The following UBR3 variants were observed in gnomAD, a reference collection of about 807,000 sequenced individuals.
UBR3 encodes ubiquitin protein ligase E3 component n-recognin 3.
Under a neutral mutation model 243.2 loss-of-function variants are expected in UBR3, and 85 were observed. The ratio of observed to expected loss-of-function variants is 0.35; its 90% confidence interval spans 0.29 to 0.42. The LOEUF (loss-of-function observed/expected upper bound fraction) is 0.42. Among genes scored for constraint, UBR3 ranks in the 10% least tolerant of loss-of-function variants. UBR3 has a pLI of 1.00. For synonymous variants in UBR3, 748 were observed against 799.8 expected (o/e 0.94, Z 1.09); for missense variants, 1,686 against 2,300.8 (o/e 0.73, Z 5.47).
At chr2:169,836,077 T>A (rs1479820710) in intron 1 of UBR3, among the ~76,000 whole-genome samples, 3,087 of 88,266 alleles carry the variant, frequency 0.035, 229 homozygotes, top group Non-Finnish European at 0.058. Flanking sequence ...ATTTTTTTTT[T>A]TTTTTTTTTT....
chr2:170,035,910 T>TTGAG (rs71006065), intron 31 of UBR3, among the ~76,000 whole-genome samples: 2 of 120,340 alleles, frequency 1.7e-5, no homozygotes, highest in Non-Finnish European at 3.4e-5. Context: ...AGTATTTTAT[T>TTGAG]GGGGGGGGGG....
Position 169,978,550 on chromosome 2 carries a change from A to C in UBR3, c.3635-8095A>C, listed in dbSNP as rs543595824. Among the ~76,000 whole-genome samples, 26 of 152,042 alleles carry C rather than the reference A, an allele frequency of 1.7e-4. No homozygotes were observed. The South Asian group carries it at 5.4e-3, about 32-fold the overall frequency. The stretch of plus-strand genomic sequence containing the variant: ...GGTATAGCCACTATTTGGGAGTCTG[A>C]GCCAGTAGGGCTTAGTAGCAGCCAT... On this transcript the variant is annotated intron_variant, in intron 24 of 38. Coordinates refer to ENST00000272793, the MANE Select transcript of UBR3 (RefSeq NM_172070.4).
rs75549299 is a variant in UBR3, at chr2:169,849,796, C to A, written c.545+21744C>A. On this transcript the variant is annotated intron_variant, in intron 1 of 38. Transcript: ENST00000272793. ...CCAAAGGTAGCTTAGGGGAAGGCTTCCTGCTTTAAGGATGCTGCTTTGCTT... is the reference window on the plus strand; with the variant it reads ...CCAAAGGTAGCTTAGGGGAAGGCTTACTGCTTTAAGGATGCTGCTTTGCTT... 8.5e-3 allele frequency among the ~76,000 whole-genome samples: 1,290 copies of A among 152,274 alleles called. 23 individuals carry two copies. The highest frequency in any genetic ancestry group is 0.029 in the African/African-American group (1,204 of 41,538).
At chr2:169,872,107 C>A in intron 1 of UBR3, 129 bp from the exon 2 acceptor site, 1 of 680,718 alleles carries the variant, frequency 1.5e-6, no homozygotes, top group Non-Finnish European at 2.2e-6. Flanking sequence ...ATTCTTTTAA[C>A]CTGGTACCTT....
At chr2:170,063,940 T>C (rs1328897216) in intron 35 of UBR3, among the ~76,000 whole-genome samples, 1 of 152,230 alleles carries the variant, frequency 6.6e-6, no homozygotes, top group Non-Finnish European at 1.5e-5. Context: ...TTTTTCTAAA[T>C]GGCTGCTCAA....
chr2:169,848,129 T>C (rs2082544189), intron 1 of UBR3, among the ~76,000 whole-genome samples: 2 of 152,342 alleles, frequency 1.3e-5, no homozygotes, highest in South Asian at 2.1e-4. Context: ...CGTCACTTGC[T>C]TCCCATCTAT....
chr2:169,838,136 A>G (rs890309747), intron 1 of UBR3, among the ~76,000 whole-genome samples: 2 of 152,176 alleles, frequency 1.3e-5, no homozygotes, highest in African/African-American at 4.8e-5. Flanking sequence ...GACTGGCATC[A>G]CATTAAATAT....
intron 19 of UBR3, among the ~76,000 whole-genome samples, chr2:169,933,981 C>T (rs1266342840): frequency 6.6e-6 from 1 of 152,174 alleles, no homozygotes; most frequent in East Asian, 1.9e-4. Flanking sequence ...TTCTCTTTCT[C>T]TGGTTTCTTA....
In UBR3 at chr2:170,083,801, TA is replaced by T; in HGVS notation, c.*1964del. 1 of 152,720 alleles carries T rather than the reference TA, an allele frequency of 6.5e-6. No individual in the cohort carries two copies. 9.5% of individuals were successfully genotyped at this position (152,720 alleles called of 1,614,324 possible). A position where few individuals can be genotyped will look rare whatever the true frequency, so the allele number is the denominator to read the frequency against. On this transcript the variant is annotated 3_prime_UTR_variant, in exon 39 of 39. Transcript: ENST00000272793. ...TGGTGAATTAGTCACCAGTAAATTT[TA>T]AAAAAGCACTTGGTTGAAAATTGTA...
intron 24 of UBR3, among the ~76,000 whole-genome samples, chr2:169,982,769 A>G (rs2088798469): frequency 6.7e-6 from 1 of 149,946 alleles, no homozygotes. Flanking sequence ...GAATTATTAT[A>G]TTAGTTAGCA....
At chr2:169,850,724 G>A (rs965731635) in intron 1 of UBR3, among the ~76,000 whole-genome samples, 2 of 151,912 alleles carry the variant, frequency 1.3e-5, no homozygotes, top group South Asian at 4.2e-4. Flanking sequence ...GGCGCCTGTG[G>A]TGCCAGCTAC....
intron 19 of UBR3, among the ~76,000 whole-genome samples, chr2:169,941,171 G>T (rs185103638): frequency 1.3e-4 from 20 of 152,144 alleles, no homozygotes; most frequent in Middle Eastern, 6.8e-3. Context: ...CATCACATAG[G>T]CATTTTATCA....
intron 32 of UBR3, among the ~76,000 whole-genome samples, chr2:170,053,080 G>T (rs1465728665): frequency 6.6e-6 from 1 of 152,188 alleles, no homozygotes; most frequent in East Asian, 1.9e-4. Context: ...AAACTACTGT[G>T]CTGGAAAGAA....
At chr2:170,073,663 A>G (rs1159122383) in intron 36 of UBR3, 56 bp downstream of exon 36, 2 of 1,542,614 alleles carry the variant, frequency 1.3e-6, no homozygotes, top group South Asian at 1.2e-5. Context: ...AATAGGTAAG[A>G]GAATAATGAG....
At chr2:169,893,917 C>T (rs1381389107) in intron 6 of UBR3, among the ~76,000 whole-genome samples, 1 of 151,856 alleles carries the variant, frequency 6.6e-6, no homozygotes, top group African/African-American at 2.4e-5. Flanking sequence ...TCTCTTGGGC[C>T]CTGTTTTTAT....
rs1378451542 is a variant in UBR3 at position 169,851,852 on chromosome 2, A to AC, written c.546-20384_546-20383insC. Among the ~76,000 whole-genome samples the AC allele has an allele frequency of 2.2e-3, 332 of 150,986 alleles. 3 individuals carry two copies. The highest frequency in any genetic ancestry group is 6.3e-3 in the African/African-American group (257 of 41,034). On this transcript the variant is annotated intron_variant, in intron 1 of 38. Coordinates refer to ENST00000272793, the MANE Select transcript of UBR3 (RefSeq NM_172070.4). Reference sequence around the variant, plus strand: ...GCTCCGTCTCAAAAAAAAAAAAAAAAAACAACAGTTAAGTGACAGAGCTGG... The same window carrying AC: ...GCTCCGTCTCAAAAAAAAAAAAAAAACAACAACAGTTAAGTGACAGAGCTGG...
At chr2:169,995,631 T>G (rs2089451437) in intron 26 of UBR3, among the ~76,000 whole-genome samples, 1 of 152,222 alleles carries the variant, frequency 6.6e-6, no homozygotes. Flanking sequence ...GTAGGAATGT[T>G]GTATGAAGAT....
intron 8 of UBR3, among the ~76,000 whole-genome samples, chr2:169,901,719 G>GT (rs778213799): frequency 5.3e-5 from 8 of 152,216 alleles, no homozygotes; most frequent in Non-Finnish European, 1.2e-4. Flanking sequence ...CCTTATAGTA[G>GT]TATGTGATTC....
At chr2:169,964,648 C>G (rs1574298256) in intron 24 of UBR3, 1 of 367,582 alleles carries the variant, frequency 2.7e-6, no homozygotes, top group Non-Finnish European at 5.5e-6. Flanking sequence ...AAGAATGTGA[C>G]CTGAAGTTTG....
Sources: gnomAD v4.1 joint callset for allele counts (sites outside exome capture counted in the v4.1 genomes callset) on GRCh38, gnomAD v4.1.1 for gene constraint, MANE v1.5 for transcripts, NCBI Gene and HGNC (gene_info 2026-07-23, HGNC 2026-07-21) for gene names.